PRDM16: variants seen among roughly 807,000 people sequenced by gnomAD.
The protein encoded by PRDM16 is histone-lysine N-methyltransferase PRDM16.
Under a neutral mutation model 110.6 loss-of-function variants are expected in PRDM16, and 23 were observed. The observed-to-expected ratio is 0.21, with a 90% CI of 0.15 to 0.29. The LOEUF (loss-of-function observed/expected upper bound fraction) is 0.29. Ranked by LOEUF, PRDM16 falls within the 10% of genes least tolerant of loss-of-function variation. PRDM16 has a pLI of 1.00. For missense variants in PRDM16, 1,615 were observed against 1,794.3 expected, an observed-to-expected ratio of 0.90 and a Z score of 1.81; for synonymous variants, 799 against 781.8, an observed-to-expected ratio of 1.02 and a Z score of -0.37.
chr1:3,412,871 A>G, intron 9 of PRDM16, 71 bp downstream of exon 9: 1 of 1,252,302 alleles, frequency 8.0e-7, no homozygotes, highest in Non-Finnish European at 1.1e-6. Flanking sequence ...GGCTCAGTGC[A>G]TGGTGGTGTC....
chr1:3,327,871 A>AT (rs1641952678), intron 3 of PRDM16, among the ~76,000 whole-genome samples: 2 of 152,224 alleles, frequency 1.3e-5, no homozygotes, highest in Non-Finnish European at 2.9e-5. Flanking sequence ...AGCCAAGGCC[A>AT]CTGTTACCCC....
chr1:3,094,836 C>T lies in PRDM16; in HGVS notation c.37+25540C>T, dbSNP rs557270458. On this transcript the variant is annotated intron_variant, in intron 1 of 16. Coordinates refer to ENST00000270722, the MANE Select transcript of PRDM16 (RefSeq NM_022114.4). Reference sequence around the variant, plus strand: ...GGGGCCTTGTCCCTGCTGCGGTTGCCGAGGGACTCTGGGTGGGAAGGAGGG... The same window carrying T: ...GGGGCCTTGTCCCTGCTGCGGTTGCTGAGGGACTCTGGGTGGGAAGGAGGG... 4.6e-5 allele frequency among the ~76,000 whole-genome samples: 7 copies of T among 152,252 alleles called. No individual in the cohort carries two copies. The East Asian group carries it at 9.7e-4, about 21-fold the overall frequency.
intron 1 of PRDM16, among the ~76,000 whole-genome samples, chr1:3,168,313 T>C (rs2493212): frequency 0.065 from 1,449 of 22,342 alleles, 278 homozygotes; most frequent in Middle Eastern, 0.12. Flanking sequence ...TGCCTCCCAG[T>C]GCCTCTGTGG....
intron 6 of PRDM16, among the ~76,000 whole-genome samples, chr1:3,403,812 A>G (rs548443729): frequency 1.3e-5 from 2 of 152,146 alleles, no homozygotes; most frequent in Non-Finnish European, 2.9e-5. Flanking sequence ...AGCCTCGCAA[A>G]GTCAGAGCAA....
At chr1:3,252,384 G>A (rs1569930179) in intron 3 of PRDM16, among the ~76,000 whole-genome samples, 1 of 42,234 alleles carries the variant, frequency 2.4e-5, no homozygotes, top group Admixed American at 4.1e-4. Context: ...CTCAAATAGA[G>A]GGGGGATCTT....
chr1:3,414,726 GC>G, intron 10 of PRDM16, 79 bp downstream of exon 10: 2 of 1,137,584 alleles, frequency 1.8e-6, no homozygotes, highest in Non-Finnish European at 2.6e-6. Context: ...AGGCTCAGTG[GC>G]CAGGCTGGAG....
chr1:3,380,296 G>C (rs1173681975), intron 3 of PRDM16, among the ~76,000 whole-genome samples: 3 of 151,946 alleles, frequency 2.0e-5, no homozygotes, highest in Non-Finnish European at 4.4e-5. Flanking sequence ...AGTTAACCAA[G>C]ACCTCCTCAG....
chr1:3,418,700 T>C lies in PRDM16; in HGVS notation c.2895T>C (p.Asn965=), dbSNP rs1209892903. Residue 965 remains asparagine, a synonymous_variant, in exon 12 of 17, where the codon AAT becomes AAC. Coordinates refer to ENST00000270722, the MANE Select transcript of PRDM16 (RefSeq NM_022114.4). ...GGAAGATCTTCCCCAGATCAGCCAATCTCACCAGACACCTGAGGACGCACA... is the reference window on the plus strand; with the variant it reads ...GGAAGATCTTCCCCAGATCAGCCAACCTCACCAGACACCTGAGGACGCACA... ...YCGKIFPRSA[N]LTRHLRTHTG... 1 of 1,575,698 alleles carries C rather than the reference T, an allele frequency of 6.3e-7. No homozygotes were observed. The highest frequency in any genetic ancestry group is 1.1e-5 in the South Asian group (1 of 90,514).
Position 3,208,664 on chromosome 1 carries a change from CAAA to C in PRDM16, c.387+22202_387+22204del, listed in dbSNP as rs572422055. On this transcript the variant is annotated intron_variant, in intron 2 of 16. Coordinates refer to ENST00000270722, the MANE Select transcript of PRDM16 (RefSeq NM_022114.4). This position sits in a 1 kb window ranked among gnomAD's most constrained non-coding sequence, Gnocchi z 6.1. ...CTGGTGACAGAGCAAGACTCCGTCTCAAAAAAAAAAAAAAGAAAAGAAAAGAAA... is the reference window on the plus strand; with the variant it reads ...CTGGTGACAGAGCAAGACTCCGTCTCAAAAAAAAAAAGAAAAGAAAAGAAA... 7.7e-5 allele frequency: 8 copies of C among 103,464 alleles called. No homozygotes were observed. Among genetic ancestry groups the C allele is most frequent in the Non-Finnish European group, 1.2e-4 (6 of 49,290 alleles). 6.4% of individuals were successfully genotyped at this position (103,464 alleles called of 1,614,324 possible).
At chr1:3,178,199 A>T (rs1557505151) in intron 1 of PRDM16, among the ~76,000 whole-genome samples, 1 of 152,114 alleles carries the variant, frequency 6.6e-6, no homozygotes, top group Non-Finnish European at 1.5e-5. Context: ...CACACCCAAT[A>T]AAAAAACGCC....
At chr1:3,335,026 C>T (rs1642115735) in intron 3 of PRDM16, among the ~76,000 whole-genome samples, 1 of 152,246 alleles carries the variant, frequency 6.6e-6, no homozygotes, top group Non-Finnish European at 1.5e-5. Flanking sequence ...CCAGCCCCGC[C>T]ATGTCAAGGG....
chr1:3,111,490 CCTCGAA>C (rs1642793318), intron 1 of PRDM16, among the ~76,000 whole-genome samples: 1 of 1,374 alleles, frequency 7.3e-4, no homozygotes, highest in African/African-American at 2.5e-3. Flanking sequence ...GGCAAGGAGG[CCTCGAA>C]GAGGGAAGAC....
chr1:3,400,768 G>A (rs912700400), intron 5 of PRDM16, among the ~76,000 whole-genome samples: 2 of 152,136 alleles, frequency 1.3e-5, no homozygotes, highest in African/African-American at 4.8e-5. Flanking sequence ...GGGCCAGGAT[G>A]CCTGGACACC....
chr1:3,424,079 G>T (rs1638516561), intron 12 of PRDM16, among the ~76,000 whole-genome samples: 1 of 152,158 alleles, frequency 6.6e-6, no homozygotes, highest in Admixed American at 6.5e-5. Context: ...AGCCCAGCCG[G>T]GTGCCTCTCA....
chr1:3,185,818 C>T (rs955121842), intron 1 of PRDM16, among the ~76,000 whole-genome samples: 6 of 152,234 alleles, frequency 3.9e-5, no homozygotes, highest in Middle Eastern at 3.2e-3. Context: ...CCCGGCGCAT[C>T]CTCAGGTGGC....
rs1213307369 is a variant in PRDM16, at chr1:3,208,959, T to G, written c.387+22485T>G. 1.3e-5 allele frequency among the ~76,000 whole-genome samples: 2 copies of G among 152,130 alleles called. No individual in the cohort carries two copies. Among genetic ancestry groups the G allele is most frequent in the African/African-American group, 4.8e-5 (2 of 41,418 alleles). On this transcript the variant is annotated intron_variant, in intron 2 of 16. Transcript: ENST00000270722. The surrounding 1 kb of genome is among the most constrained non-coding windows in gnomAD (Gnocchi z 6.1). ...ATGAACAGATGTCCCCCTCGCCACATCAAGGGAGTGACTTGCTCCGTCTGT... is the reference window on the plus strand; with the variant it reads ...ATGAACAGATGTCCCCCTCGCCACAGCAAGGGAGTGACTTGCTCCGTCTGT...
At chr1:3,136,706 C>T (rs898233569) in intron 1 of PRDM16, among the ~76,000 whole-genome samples, 3 of 152,152 alleles carry the variant, frequency 2.0e-5, no homozygotes, top group Admixed American at 6.5e-5. Flanking sequence ...CCCACCGCCC[C>T]CTGCTTCTCC....
intron 3 of PRDM16, among the ~76,000 whole-genome samples, chr1:3,310,997 ATGTG>A (rs374070181): frequency 1.0e-4 from 15 of 150,238 alleles, no homozygotes; most frequent in African/African-American, 2.4e-4. Context: ...GTGCGTGCGT[ATGTG>A]TGTGTGTGTG....
chr1:3,263,994 G>T (rs1262836651), intron 3 of PRDM16, among the ~76,000 whole-genome samples: 2 of 152,102 alleles, frequency 1.3e-5, no homozygotes, highest in Non-Finnish European at 2.9e-5. Context: ...GGAGGGGCAG[G>T]ACTTTGCCCA....
Sources: allele counts gnomAD v4.1 joint callset (sites outside exome capture counted in the v4.1 genomes callset), GRCh38; gene constraint gnomAD v4.1.1; non-coding constraint Gnocchi (gnomAD v3.1); transcripts MANE v1.5; gene names NCBI Gene and HGNC (gene_info 2026-07-23, HGNC 2026-07-21).